Variants in RNF6 observed in about 807,000 individuals in gnomAD.
RNF6 encodes the protein E3 ubiquitin-protein ligase RNF6.
Under a neutral mutation model 50.1 loss-of-function variants are expected in RNF6, and 21 were observed. The ratio of observed to expected loss-of-function variants is 0.42; its 90% CI spans 0.30 to 0.60. The LOEUF is 0.60. RNF6 is among the 20% of genes least tolerant of loss of function. The pLI, the probability that RNF6 is intolerant of heterozygous loss-of-function variation, is 0.20. For missense variants in RNF6, 698 were observed against 838.2 expected (o/e 0.83, Z 2.07); for synonymous variants, 255 against 291.8 (o/e 0.87, Z 1.29).
At chr13:26,147,750 A>T (rs928095598) in intron 5 of RNF6, among the ~76,000 whole-genome samples, 3 of 152,072 alleles carry the variant, frequency 2.0e-5, no homozygotes, top group Non-Finnish European at 4.4e-5. Context: ...TCTGGGTCTT[A>T]TTTTCAGCAA....
chr13:26,149,555 C>A (rs1487181609), intron 5 of RNF6, among the ~76,000 whole-genome samples: 2 of 151,494 alleles, frequency 1.3e-5, no homozygotes, highest in Non-Finnish European at 2.9e-5. Flanking sequence ...CCACTGCACT[C>A]CAGCCTGGGC....
chr13:26,154,866 C>T (rs188928078), intron 5 of RNF6, among the ~76,000 whole-genome samples: 1 of 151,856 alleles, frequency 6.6e-6, no homozygotes, highest in Non-Finnish European at 1.5e-5. Context: ...CCTGTCTCTA[C>T]TAAAAATAAA....
At chr13:26,195,613 A>G (rs1486771798) in intron 5 of RNF6, among the ~76,000 whole-genome samples, 1 of 152,236 alleles carries the variant, frequency 6.6e-6, no homozygotes, top group African/African-American at 2.4e-5. Flanking sequence ...TTCAAACTAC[A>G]GAAAATCAAA....
exon 6 of RNF6, chr13:26,132,353 A>C (rs561982091): frequency 3.3e-5 from 14 of 430,498 alleles, no homozygotes; most frequent in African/African-American, 2.6e-4. Context: ...GGTTCCAGCG[A>C]AGCTATTGAA....
At chr13:26,136,589 C>A (rs1026576522) in intron 5 of RNF6, among the ~76,000 whole-genome samples, 1 of 152,150 alleles carries the variant, frequency 6.6e-6, no homozygotes, top group African/African-American at 2.4e-5. Flanking sequence ...AAGAATAACA[C>A]AAATCGTTCA....
At chr13:26,150,239 A>G (rs983415589) in intron 5 of RNF6, among the ~76,000 whole-genome samples, 3 of 152,014 alleles carry the variant, frequency 2.0e-5, no homozygotes, top group Admixed American at 1.3e-4. Flanking sequence ...CTTCTGATCA[A>G]GTTTTAATGA....
intron 5 of RNF6, chr13:26,149,233 A>C (rs1387782641): frequency 6.6e-6 from 1 of 152,192 alleles, no homozygotes; most frequent in East Asian, 1.9e-4. Context: ...AATTCATTAC[A>C]TCAAAAGTTC....
At chr13:26,159,640 T>G (rs529461235) in intron 5 of RNF6, among the ~76,000 whole-genome samples, 1 of 152,062 alleles carries the variant, frequency 6.6e-6, no homozygotes, top group East Asian at 1.9e-4. Context: ...AAAAAATTAT[T>G]AAGTATAATA....
intron 5 of RNF6, among the ~76,000 whole-genome samples, chr13:26,195,094 G>C (rs1345184252): frequency 3.9e-5 from 6 of 152,252 alleles, no homozygotes; most frequent in Non-Finnish European, 7.4e-5. Flanking sequence ...CCCAGATATA[G>C]CAGAAATACT....
chr13:26,209,710 T>C (rs1211037479), downstream of RNF6, among the ~76,000 whole-genome samples: 2 of 152,122 alleles, frequency 1.3e-5, no homozygotes, highest in African/African-American at 2.4e-5. Context: ...CACAGCACAT[T>C]TGGAATTGCA....
At chr13:26,184,624 TAC>T (rs1305471055) in intron 5 of RNF6, among the ~76,000 whole-genome samples, 1 of 152,222 alleles carries the variant, frequency 6.6e-6, no homozygotes, top group Non-Finnish European at 1.5e-5. Flanking sequence ...GCCATGATGT[TAC>T]AGAGACGAAC....
At chr13:26,139,836 T>C (rs1593141336) in intron 5 of RNF6, among the ~76,000 whole-genome samples, 2 of 152,166 alleles carry the variant, frequency 1.3e-5, no homozygotes, top group East Asian at 3.9e-4. Context: ...CTTACTTTTT[T>C]CTTTTCTTTT....
intron 5 of RNF6, among the ~76,000 whole-genome samples, chr13:26,174,829 C>T (rs1219401971): frequency 6.6e-6 from 1 of 152,070 alleles, no homozygotes; most frequent in Non-Finnish European, 1.5e-5. Flanking sequence ...CCCTCCCCTC[C>T]ACACCGTGCT....
intron 5 of RNF6, among the ~76,000 whole-genome samples, chr13:26,141,097 C>T (rs1870917835): frequency 6.6e-6 from 1 of 152,104 alleles, no homozygotes; most frequent in Admixed American, 6.5e-5. Flanking sequence ...AAAATGCCAA[C>T]ATCATTTTTC....
chr13:26,208,081 GAGA>G (rs1289754870), downstream of RNF6, among the ~76,000 whole-genome samples: 2 of 152,350 alleles, frequency 1.3e-5, no homozygotes, highest in African/African-American at 2.4e-5. Context: ...TGCTGGAATG[GAGA>G]AGAAGATTTA....
intron 5 of RNF6, among the ~76,000 whole-genome samples, chr13:26,170,300 A>G (rs1872636583): frequency 6.6e-6 from 1 of 152,188 alleles, no homozygotes; most frequent in South Asian, 2.1e-4. Context: ...AAATTTAATC[A>G]AAAGCAAAAT....
At chr13:26,182,144 A>T (rs1222337159) in intron 5 of RNF6, among the ~76,000 whole-genome samples, 3 of 152,214 alleles carry the variant, frequency 2.0e-5, no homozygotes, top group African/African-American at 7.2e-5. Flanking sequence ...TGGAGAGAGG[A>T]CACACAAAAT....
intron 5 of RNF6, chr13:26,135,581 C>T (rs1870606548): frequency 6.6e-6 from 1 of 152,154 alleles, no homozygotes; most frequent in Admixed American, 6.5e-5. Context: ...TATAACACAT[C>T]AATTGAGGTT....
rs1489373012 is a variant in RNF6, at chr13:26,221,407, C to G, written c.-101-77G>C. 3.3e-5 allele frequency: 5 copies of G among 152,192 alleles called. No individual in the cohort carries two copies. In the East Asian group the frequency reaches 7.7e-4, roughly 23 times the overall value. The allele number at this position is 152,192 out of a possible 1,614,324, so 9.4% of individuals were successfully genotyped here. A position where few individuals can be genotyped will look rare whatever the true frequency, so the allele number is the denominator to read the frequency against. Reference sequence around the variant, plus strand: ...CCAGGAACGGGTGGTAGTCTCCCCACTCTGCTGCAAAGCCAAAGCAAATTC... The same window carrying G: ...CCAGGAACGGGTGGTAGTCTCCCCAGTCTGCTGCAAAGCCAAAGCAAATTC... On this transcript the variant is annotated intron_variant, in intron 1 of 4. Transcript: ENST00000381588.
Sources: allele counts gnomAD v4.1 joint callset (sites outside exome capture counted in the v4.1 genomes callset), GRCh38; gene constraint gnomAD v4.1.1; transcripts MANE v1.5; gene names NCBI Gene and HGNC (gene_info 2026-07-23, HGNC 2026-07-21).